Variants in PTPRO observed in about 807,000 individuals in gnomAD.
PTPRO encodes protein tyrosine phosphatase receptor type O.
Under a neutral mutation model 145.2 loss-of-function variants are expected in PTPRO, and 62 were observed. The ratio of observed to expected loss-of-function variants is 0.43; its 90% confidence interval spans 0.35 to 0.53. The LOEUF is 0.53. Among genes scored for constraint, PTPRO ranks in the 20% least tolerant of loss-of-function variants. The pLI is 0.01. For synonymous variants in PTPRO, 565 were observed against 514.7 expected (o/e 1.10, Z -1.32); for missense variants, 1,345 against 1,482.7 (o/e 0.91, Z 1.53).
At chr12:15,340,093 T>C (rs1322433690) in intron 1 of PTPRO, among the ~76,000 whole-genome samples, 2 of 152,198 alleles carry the variant, frequency 1.3e-5, no homozygotes, top group Non-Finnish European at 2.9e-5. Context: ...GACTGCTGTT[T>C]ATTGGGGACA....
intron 1 of PTPRO, among the ~76,000 whole-genome samples, chr12:15,419,541 C>CA (rs1940074527): frequency 6.6e-6 from 1 of 151,600 alleles, no homozygotes; most frequent in African/African-American, 2.4e-5. Context: ...TCAAGCCATC[C>CA]AGGCCACAAG....
At chr12:15,548,526 A>ATGTGTG (rs1391237506) in intron 13 of PTPRO, among the ~76,000 whole-genome samples, 1 of 133,498 alleles carries the variant, frequency 7.5e-6, no homozygotes, top group African/African-American at 2.8e-5. Context: ...GTGTGTATAT[A>ATGTGTG]TATGTGTGTG....
chr12:15,325,814 T>C (rs1866429625), intron 1 of PTPRO, among the ~76,000 whole-genome samples: 1 of 152,208 alleles, frequency 6.6e-6, no homozygotes, highest in African/African-American at 2.4e-5. Flanking sequence ...TCATAGGAAT[T>C]TGAAGTTGGC....
chr12:15,407,930 A>G (rs1303479200), intron 1 of PTPRO, among the ~76,000 whole-genome samples: 1 of 152,218 alleles, frequency 6.6e-6, no homozygotes, highest in East Asian at 1.9e-4. Context: ...AGAGAGAAGT[A>G]GGCACTGATG....
At chr12:15,484,994 C>A (rs1304031346) in intron 2 of PTPRO, among the ~76,000 whole-genome samples, 1 of 152,040 alleles carries the variant, frequency 6.6e-6, no homozygotes, top group Non-Finnish European at 1.5e-5. Context: ...TTATCACTAG[C>A]ACAATATAAT....
At chr12:15,442,520 A>G (rs1940796223) in intron 1 of PTPRO, among the ~76,000 whole-genome samples, 2 of 152,184 alleles carry the variant, frequency 1.3e-5, no homozygotes, top group Admixed American at 1.3e-4. Flanking sequence ...AGAAAGAAAT[A>G]AAAGGCAACC....
intron 1 of PTPRO, among the ~76,000 whole-genome samples, chr12:15,448,527 A>AGT (rs1291557485): frequency 1.3e-5 from 2 of 152,050 alleles, no homozygotes; most frequent in African/African-American, 4.8e-5. Context: ...AGAGAAAACA[A>AGT]GTGTGCACAA....
At chr12:15,584,718 A>G (rs1164010845) in intron 23 of PTPRO, among the ~76,000 whole-genome samples, 1 of 152,200 alleles carries the variant, frequency 6.6e-6, no homozygotes, top group South Asian at 2.1e-4. Flanking sequence ...TGCTATGCTA[A>G]TTAATATATT....
chr12:15,555,818 A>G (rs546310821), intron 15 of PTPRO, among the ~76,000 whole-genome samples: 1 of 152,366 alleles, frequency 6.6e-6, no homozygotes, highest in South Asian at 2.1e-4. Context: ...AATACATAGG[A>G]TTATACAACT....
intron 1 of PTPRO, among the ~76,000 whole-genome samples, chr12:15,366,824 A>G (rs973817197): frequency 2.6e-5 from 4 of 152,212 alleles, no homozygotes; most frequent in African/African-American, 9.6e-5. Context: ...TCAAATCTAC[A>G]TCAGGTATAA....
intron 7 of PTPRO, among the ~76,000 whole-genome samples, chr12:15,509,046 A>C (rs1219381624): frequency 6.6e-6 from 1 of 152,220 alleles, no homozygotes; most frequent in African/African-American, 2.4e-5. Context: ...TCTAAGATAG[A>C]TGTTGGAAAT....
chr12:15,479,229 G>A (rs1418182462), intron 1 of PTPRO, among the ~76,000 whole-genome samples: 1 of 152,164 alleles, frequency 6.6e-6, no homozygotes, highest in Non-Finnish European at 1.5e-5. Flanking sequence ...CTTAGAAAGA[G>A]CCCCTGGGAA....
chr12:15,325,405 A>G (rs1305896952), intron 1 of PTPRO, among the ~76,000 whole-genome samples: 2 of 152,244 alleles, frequency 1.3e-5, no homozygotes, highest in Non-Finnish European at 2.9e-5. Context: ...TGGAGCAGTG[A>G]TGAGCACATA....
chr12:15,479,864 C>G (rs1185192038), intron 1 of PTPRO, among the ~76,000 whole-genome samples: 1 of 152,150 alleles, frequency 6.6e-6, no homozygotes, highest in Non-Finnish European at 1.5e-5. Flanking sequence ...TGAGGATCAC[C>G]ACAGTCCTGT....
intron 19 of PTPRO, among the ~76,000 whole-genome samples, chr12:15,572,558 T>C (rs1944078275): frequency 6.6e-6 from 1 of 152,244 alleles, no homozygotes; most frequent in African/African-American, 2.4e-5. Flanking sequence ...ATCTTCATCA[T>C]TTTGTTACTG....
chr12:15,533,901 G>C (rs1332168384), intron 12 of PTPRO, among the ~76,000 whole-genome samples: 2 of 152,096 alleles, frequency 1.3e-5, no homozygotes, highest in African/African-American at 4.8e-5. Flanking sequence ...AATGACTCCT[G>C]TGTCATGGAG....
chr12:15,322,757 G>T lies in PTPRO; in HGVS notation c.31G>T (p.Ala11Ser), dbSNP rs139015332. 1.1e-3 allele frequency: 1,694 copies of T among 1,611,168 alleles called. 6 individuals carry two copies. The highest frequency in any genetic ancestry group is 1.1e-3 in the Non-Finnish European group (1,327 of 1,179,238). The change falls in exon 1 of 27, where the codon GCC becomes TCC. Residue 11 changes from alanine to serine, a missense_variant. Ala to Ser is a moderately conservative substitution (Grantham distance 99). Around this residue, in one of 3 missense-constraint regions of PTPRO, gnomAD observed 1,130 missense variants for 1,214.7 expected, o/e 0.93. Transcript: ENST00000281171. This position sits in a 1 kb window ranked among gnomAD's most constrained non-coding sequence, Gnocchi z 6.3. Reference protein sequence around the residue: MGHLPTGIHGARRLLPLLWLF... With the variant: MGHLPTGIHGSRRLLPLLWLF... ...GCACCTGCCCACGGGGATACACGGC[G>T]CCCGCCGCCTCCTGCCTCTGCTCTG...
chr12:15,594,884 A>T, intron 25 of PTPRO, 53 bp from the exon 26 acceptor site: 2 of 1,261,958 alleles, frequency 1.6e-6, no homozygotes, highest in Non-Finnish European at 2.3e-6. Context: ...AGTATAAAAT[A>T]TTATATCTTT....
intron 10 of PTPRO, 40 bp from the exon 11 acceptor site, chr12:15,524,774 C>T (rs774716571): frequency 7.0e-6 from 11 of 1,578,000 alleles, no homozygotes; most frequent in African/African-American, 1.3e-5. Context: ...TTTATTTATC[C>T]ATCTATTATA....
Sources: gnomAD v4.1 joint callset for allele counts (sites outside exome capture counted in the v4.1 genomes callset) on GRCh38, gnomAD v4.1.1 for gene constraint, gnomAD v4.1.1 regional missense constraint, Gnocchi (gnomAD v3.1) non-coding constraint, MANE v1.5 for transcripts, NCBI Gene and HGNC (gene_info 2026-07-23, HGNC 2026-07-21) for gene names.